Variants in ATF7IP observed in about 807,000 individuals in gnomAD.
The protein encoded by ATF7IP is activating transcription factor 7-interacting protein 1.
ATF7IP carries 23 observed loss-of-function variants against 106.4 expected under a neutral mutation model. That is an observed-to-expected ratio of 0.22 (90% CI 0.16 to 0.31). The LOEUF is 0.31. ATF7IP is among the 10% of genes least tolerant of loss of function. ATF7IP has a pLI of 1.00. For synonymous variants in ATF7IP, 542 were observed against 539.0 expected (o/e 1.01, Z -0.08); for missense variants, 1,334 against 1,524.3 (o/e 0.88, Z 2.08).
intron 6 of ATF7IP, among the ~76,000 whole-genome samples, chr12:14,447,561 A>C (rs573247160): frequency 1.6e-4 from 24 of 152,154 alleles, no homozygotes; most frequent in Non-Finnish European, 1.0e-4. Context: ...AATTACAGAC[A>C]TGAGCCATTG....
intron 1 of ATF7IP, among the ~76,000 whole-genome samples, chr12:14,366,565 G>T (rs1048986044): frequency 1.3e-5 from 2 of 152,150 alleles, no homozygotes; most frequent in East Asian, 3.8e-4. Flanking sequence ...TTAAATGTTT[G>T]ATCCTAAGTA....
intron 1 of ATF7IP, among the ~76,000 whole-genome samples, chr12:14,368,425 A>G (rs1293720760): frequency 6.6e-6 from 1 of 152,094 alleles, no homozygotes; most frequent in Non-Finnish European, 1.5e-5. Context: ...GTTACATATT[A>G]TTGTTATCTC....
At chr12:14,485,745 A>G (rs1944585776) in intron 13 of ATF7IP, among the ~76,000 whole-genome samples, 1 of 152,246 alleles carries the variant, frequency 6.6e-6, no homozygotes, top group Non-Finnish European at 1.5e-5. Context: ...GCTGCACACC[A>G]GGTACTAGGA....
chr12:14,455,077 C>G (rs1200088026), intron 6 of ATF7IP, among the ~76,000 whole-genome samples: 1 of 151,560 alleles, frequency 6.6e-6, no homozygotes, highest in African/African-American at 2.4e-5. Flanking sequence ...TACTCAGAGG[C>G]TGAGGCAGGA....
At chr12:14,371,860 A>T (rs1435208368) in intron 1 of ATF7IP, among the ~76,000 whole-genome samples, 1 of 152,098 alleles carries the variant, frequency 6.6e-6, no homozygotes, top group Non-Finnish European at 1.5e-5. Context: ...AAATTTATGC[A>T]TTGGCTGCAT....
At chr12:14,422,299 CAAA>C (rs1170263516) in intron 1 of ATF7IP, among the ~76,000 whole-genome samples, 7 of 138,726 alleles carry the variant, frequency 5.0e-5, no homozygotes, top group African/African-American at 1.6e-4. Context: ...CACAACTTAC[CAAA>C]AAAAGAGAAT....
At chr12:14,417,498 A>T (rs1941264806) in intron 1 of ATF7IP, among the ~76,000 whole-genome samples, 1 of 152,102 alleles carries the variant, frequency 6.6e-6, no homozygotes. Context: ...AGGTTTTGCT[A>T]GATTTATATA....
chr12:14,469,133 G>C (rs1169165353), intron 10 of ATF7IP, among the ~76,000 whole-genome samples: 1 of 152,116 alleles, frequency 6.6e-6, no homozygotes, highest in Non-Finnish European at 1.5e-5. Flanking sequence ...CACTTTGGGA[G>C]GCCAAGACGG....
intron 2 of ATF7IP, among the ~76,000 whole-genome samples, chr12:14,429,914 A>G (rs1942038649): frequency 1.3e-5 from 2 of 152,188 alleles, no homozygotes; most frequent in South Asian, 2.1e-4. Context: ...TCATTTTTCA[A>G]ATGAGTACTG....
At chr12:14,476,028 G>T in intron 11 of ATF7IP, 60 bp downstream of exon 11, 8 of 1,177,632 alleles carry the variant, frequency 6.8e-6, no homozygotes, top group Middle Eastern at 1.9e-4. Context: ...GTCTTAATAC[G>T]GTACAGTATT....
chr12:14,430,646 A>G (rs1385206103), intron 2 of ATF7IP, among the ~76,000 whole-genome samples: 2 of 151,812 alleles, frequency 1.3e-5, no homozygotes, highest in African/African-American at 4.8e-5. Flanking sequence ...TCCTTTGCCC[A>G]TTTTTCTAAT....
intron 13 of ATF7IP, among the ~76,000 whole-genome samples, chr12:14,492,607 A>G (rs1028992413): frequency 1.4e-4 from 21 of 152,182 alleles, no homozygotes; most frequent in Non-Finnish European, 2.6e-4. Flanking sequence ...GTAGGAATGC[A>G]GTAGGCTTCC....
At chr12:14,367,365 C>A (rs1938350265) in intron 1 of ATF7IP, 1 of 151,918 alleles carries the variant, frequency 6.6e-6, no homozygotes, top group African/African-American at 2.4e-5. Context: ...AGGAAAGATT[C>A]TTCTTTTTTT....
At chr12:14,414,689 A>G (rs1400493509) in intron 1 of ATF7IP, among the ~76,000 whole-genome samples, 1 of 152,168 alleles carries the variant, frequency 6.6e-6, no homozygotes, top group Admixed American at 6.5e-5. Context: ...ATGAAAAAGT[A>G]TACAGTTATT....
chr12:14,497,278 AT>A (rs755067437), intron 14 of ATF7IP, among the ~76,000 whole-genome samples: 7 of 152,260 alleles, frequency 4.6e-5, no homozygotes, highest in Non-Finnish European at 8.8e-5. Flanking sequence ...ATATTTAAAA[AT>A]GTTACATCAT....
At chr12:14,491,798 T>C (rs899661822) in intron 13 of ATF7IP, among the ~76,000 whole-genome samples, 1 of 152,156 alleles carries the variant, frequency 6.6e-6, no homozygotes, top group South Asian at 2.1e-4. Context: ...TGAAACCACA[T>C]CTGGTACAGC....
Position 14,424,438 on chromosome 12 carries a change from A to G in ATF7IP, c.523A>G (p.Thr175Ala), listed in dbSNP as rs551306942. The G allele has an allele frequency of 3.2e-5, 52 of 1,612,448 alleles. No homozygotes were observed. Among genetic ancestry groups the G allele is most frequent in the Middle Eastern group, 1.6e-4 (1 of 6,080 alleles). Residue 175 changes from threonine to alanine, a missense_variant, in exon 2 of 15, where the codon ACC becomes GCC. Transcript: ENST00000261168. ...TAGTGATGCTGCCTCTGGTGATGCAACCTCTGGTGATGCCCCTTCTGGTGA... is the reference window on the plus strand; with the variant it reads ...TAGTGATGCTGCCTCTGGTGATGCAGCCTCTGGTGATGCCCCTTCTGGTGA... ...SSSDAASGDA[T>A]SGDAPSGDVS...
intron 1 of ATF7IP, among the ~76,000 whole-genome samples, chr12:14,384,700 C>T (rs1939138338): frequency 1.3e-5 from 2 of 152,014 alleles, no homozygotes; most frequent in Admixed American, 1.3e-4. Context: ...TAATTGTAGG[C>T]TTTAACTGTT....
chr12:14,447,422 C>CA (rs1011701453), intron 6 of ATF7IP, among the ~76,000 whole-genome samples: 1 of 151,686 alleles, frequency 6.6e-6, no homozygotes, highest in African/African-American at 2.4e-5. Context: ...GCTGGGATTA[C>CA]AGGTGCCCAC....
Sources: allele counts gnomAD v4.1 joint callset (sites outside exome capture counted in the v4.1 genomes callset), GRCh38; gene constraint gnomAD v4.1.1; transcripts MANE v1.5; gene names NCBI Gene and HGNC (gene_info 2026-07-23, HGNC 2026-07-21).